The following ZPBP variants were observed in gnomAD, a reference collection of about 807,000 sequenced individuals.
The protein encoded by ZPBP is zona pellucida binding protein.
ZPBP carries 26 observed loss-of-function variants against 44.8 expected under a neutral mutation model. The observed-to-expected ratio is 0.58, with a 90% CI of 0.43 to 0.81. The LOEUF (loss-of-function observed/expected upper bound fraction) is 0.81, where lower values mean the gene tolerates loss of function less well. ZPBP is among the 30% of genes least tolerant of loss of function. ZPBP has a pLI of 0.00. For synonymous variants in ZPBP, 174 were observed against 153.2 expected (o/e 1.14, Z -1.00); for missense variants, 409 against 434.0 (o/e 0.94, Z 0.51).
At chr7:49,978,251 A>C (rs1269767757) in intron 7 of ZPBP, among the ~76,000 whole-genome samples, 4 of 151,796 alleles carry the variant, frequency 2.6e-5, no homozygotes, top group Non-Finnish European at 5.9e-5. Flanking sequence ...GTAGTATATT[A>C]TATAATTTAT....
chr7:49,986,581 A>G (rs997839933), intron 6 of ZPBP, among the ~76,000 whole-genome samples: 2 of 152,214 alleles, frequency 1.3e-5, no homozygotes, highest in African/African-American at 2.4e-5. Flanking sequence ...AACCATTCGC[A>G]TAAGAATAAG....
At position 49,983,492 on chromosome 7, in the gene ZPBP, T is replaced by C. The variant is rs1562822693; in HGVS notation, c.811A>G (p.Asn271Asp). The C allele has an allele frequency of 6.2e-7, 1 of 1,606,846 alleles. No homozygotes were observed. Among genetic ancestry groups the C allele is most frequent in the East Asian group, 2.2e-5 (1 of 44,704 alleles). Residue 271 changes from asparagine (N) to aspartate (D), a missense_variant, in exon 7 of 8, where the codon AAT (asparagine) becomes GAT (aspartate). Transcript: ENST00000046087. The part of the protein sequence containing the change: ...KAKNLIERFF[N>D]QQVEILGRRA... ...CTGCCAAGAATTTCTACTTGTTGAT[T>C]AAAAAATCTCTCTATGAGATTTTTA...
intron 6 of ZPBP, among the ~76,000 whole-genome samples, chr7:50,014,622 G>A (rs901091280): frequency 5.3e-5 from 8 of 151,192 alleles, no homozygotes; most frequent in Non-Finnish European, 1.2e-4. Flanking sequence ...CTACCACCAC[G>A]CCCGGCTATT....
intron 6 of ZPBP, among the ~76,000 whole-genome samples, chr7:49,985,165 G>A (rs1026733418): frequency 2.0e-5 from 3 of 152,164 alleles, no homozygotes; most frequent in East Asian, 3.8e-4. Context: ...AGCCACCTGT[G>A]ACACTGAACT....
In ZPBP at chr7:50,081,739, T is replaced by G. The variant is rs1022479495; in HGVS notation, c.334+35A>C. 7 of 1,606,402 alleles carry G rather than the reference T, an allele frequency of 4.4e-6. No homozygotes were observed. In the Admixed American group the frequency reaches 1.2e-4, roughly 27 times the overall value. The stretch of plus-strand genomic sequence containing the variant: ...TTGTGTTGCACACAATTCAGATACA[T>G]TTATTTAATTACAATAATTGAAACA... On this transcript the variant is annotated intron_variant, in intron 3 of 7. Transcript: ENST00000046087.
intron 6 of ZPBP, among the ~76,000 whole-genome samples, chr7:50,005,821 A>G (rs981731440): frequency 2.5e-4 from 27 of 105,984 alleles, no homozygotes; most frequent in African/African-American, 9.7e-4. Context: ...TCATAACTAT[A>G]TATGTGTGTG....
At chr7:49,909,073 C>T (rs1194479835) in intron 1 of ZPBP, among the ~76,000 whole-genome samples, 1 of 151,950 alleles carries the variant, frequency 6.6e-6, no homozygotes, top group African/African-American at 2.4e-5. Flanking sequence ...CTCATGAGGC[C>T]CTGTGAGGTC....
At chr7:50,003,875 A>T (rs182929432) in intron 6 of ZPBP, among the ~76,000 whole-genome samples, 4 of 152,296 alleles carry the variant, frequency 2.6e-5, no homozygotes, top group African/African-American at 9.6e-5. Flanking sequence ...ACCAACCCTA[A>T]AAAACACACA....
chr7:49,848,500 T>G (rs1790049787), downstream of ZPBP, among the ~76,000 whole-genome samples: 3 of 152,222 alleles, frequency 2.0e-5, no homozygotes. Flanking sequence ...TAGGAACTGT[T>G]GCTCAGTGAG....
intron 7 of ZPBP, among the ~76,000 whole-genome samples, chr7:49,966,341 A>C (rs1053008619): frequency 6.6e-6 from 1 of 152,152 alleles, no homozygotes; most frequent in Non-Finnish European, 1.5e-5. Flanking sequence ...CTCAGTATCA[A>C]TATATGTGTC....
intron 2 of ZPBP, among the ~76,000 whole-genome samples, chr7:49,867,575 C>G (rs1790955037): frequency 6.6e-6 from 1 of 152,174 alleles, no homozygotes; most frequent in African/African-American, 2.4e-5. Flanking sequence ...AAAGGCTACA[C>G]AGAGGACACA....
chr7:50,022,603 C>A (rs1297757597), intron 5 of ZPBP, among the ~76,000 whole-genome samples: 1 of 151,804 alleles, frequency 6.6e-6, no homozygotes, highest in Admixed American at 6.6e-5. Flanking sequence ...CAGGGACAAT[C>A]AAACAAAAAA....
At chr7:49,993,277 A>G (rs1269139688) in intron 6 of ZPBP, among the ~76,000 whole-genome samples, 1 of 152,144 alleles carries the variant, frequency 6.6e-6, no homozygotes, top group Non-Finnish European at 1.5e-5. Flanking sequence ...AATAATAAAG[A>G]AACTACCAAG....
At position 50,027,773 on chromosome 7, in the gene ZPBP, G is replaced by T. The variant is rs538389917; in HGVS notation, c.706+3319C>A. 2.2e-3 allele frequency among the ~76,000 whole-genome samples: 332 copies of T among 151,986 alleles called. 2 individuals carry two copies. Among genetic ancestry groups the T allele is most frequent in the Non-Finnish European group, 3.6e-3 (243 of 67,860 alleles). On this transcript the variant is annotated intron_variant, in intron 5 of 7. Coordinates refer to ENST00000046087, the MANE Select transcript of ZPBP (RefSeq NM_007009.3). ...TTCAGAAATAAAAAGGATAACAAGAGAACAATATAAACCATTGTAGGCCAA... is the reference window on the plus strand; with the variant it reads ...TTCAGAAATAAAAAGGATAACAAGATAACAATATAAACCATTGTAGGCCAA...
intron 1 of ZPBP, 82 bp downstream of exon 1, chr7:50,092,986 G>C: frequency 4.6e-6 from 7 of 1,533,482 alleles, no homozygotes; most frequent in South Asian, 1.2e-5. Flanking sequence ...ACGGATGCAC[G>C]TGACACAAGA....
chr7:50,044,593 A>C (rs546574807), intron 4 of ZPBP, among the ~76,000 whole-genome samples: 22 of 152,338 alleles, frequency 1.4e-4, no homozygotes, highest in Non-Finnish European at 2.8e-4. Flanking sequence ...TCCTGGACAC[A>C]TACACTCTCC....
chr7:49,957,772 CAG>C (rs1464628503), intron 7 of ZPBP, among the ~76,000 whole-genome samples: 1 of 152,174 alleles, frequency 6.6e-6, no homozygotes, highest in East Asian at 1.9e-4. Flanking sequence ...TCAGAGTTTT[CAG>C]AGAGTCTCCA....
In ZPBP at chr7:50,092,680, C is replaced by A. The variant is rs150233364; in HGVS notation, c.127+388G>T. Among the ~76,000 whole-genome samples, 7 of 152,338 alleles carry A rather than the reference C, an allele frequency of 4.6e-5. No homozygotes were observed. The South Asian group carries it at 1.0e-3, about 23-fold the overall frequency. On this transcript the variant is annotated intron_variant, in intron 1 of 7. Coordinates refer to ENST00000046087, the MANE Select transcript of ZPBP (RefSeq NM_007009.3). ...GCTAAAACCAATAGATGGCGCTCCACCATCACGGATAATTTGAAAGCAGCA... is the reference window on the plus strand; with the variant it reads ...GCTAAAACCAATAGATGGCGCTCCAACATCACGGATAATTTGAAAGCAGCA...
intron 2 of ZPBP, among the ~76,000 whole-genome samples, chr7:49,888,696 C>T (rs1583760151): frequency 6.6e-6 from 1 of 152,004 alleles, no homozygotes; most frequent in African/African-American, 2.4e-5. Context: ...GGATCACCTG[C>T]GGTCAGGAGT....
Sources: allele counts gnomAD v4.1 joint callset (sites outside exome capture counted in the v4.1 genomes callset), GRCh38; gene constraint gnomAD v4.1.1; transcripts MANE v1.5; gene names NCBI Gene and HGNC (gene_info 2026-07-23, HGNC 2026-07-21).